Variants in MYRFL observed in about 807,000 individuals in gnomAD.
MYRFL encodes the protein myelin regulatory factor-like protein.
A neutral mutation model predicts 109.4 loss-of-function variants in MYRFL; 88 were observed. The observed-to-expected ratio is 0.80, with a 90% CI of 0.68 to 0.96. The LOEUF (loss-of-function observed/expected upper bound fraction) is 0.96, where lower values mean the gene tolerates loss of function less well. MYRFL is among the 40% of genes least tolerant of loss of function. The pLI is 0.00. For synonymous variants in MYRFL, 324 were observed against 320.9 expected (o/e 1.01, Z -0.10); for missense variants, 957 against 954.9 (o/e 1.00, Z -0.03).
chr12:69,957,286 C>T (rs983247733), intron 22 of MYRFL, among the ~76,000 whole-genome samples: 13 of 152,072 alleles, frequency 8.5e-5, no homozygotes, highest in South Asian at 2.1e-4. Context: ...TGCCTAGACC[C>T]GGAATTTGCA....
chr12:69,875,388 A>G lies in MYRFL; in HGVS notation c.138-3640A>G, dbSNP rs139880696. Reference sequence around the variant, plus strand: ...ATTTTATTTATTTTTTTTCACAAGCATGTGCTTGTCTGCTCCATTTAGCTT... The same window carrying G: ...ATTTTATTTATTTTTTTTCACAAGCGTGTGCTTGTCTGCTCCATTTAGCTT... On this transcript the variant is annotated intron_variant, in intron 2 of 24. Coordinates refer to ENST00000552032, the MANE Select transcript of MYRFL (RefSeq NM_182530.3). 1.0e-3 allele frequency among the ~76,000 whole-genome samples: 153 copies of G among 151,978 alleles called. 1 individual carries two copies. The highest frequency in any genetic ancestry group is 3.6e-3 in the African/African-American group (149 of 41,438).
intron 13 of MYRFL, among the ~76,000 whole-genome samples, chr12:69,918,870 A>G (rs1172938225): frequency 6.6e-6 from 1 of 152,222 alleles, no homozygotes; most frequent in Non-Finnish European, 1.5e-5. Flanking sequence ...TCAAAAATAA[A>G]ATGAATATAC....
At chr12:69,937,577 A>C (rs1566039675) in intron 19 of MYRFL, among the ~76,000 whole-genome samples, 1 of 152,068 alleles carries the variant, frequency 6.6e-6, no homozygotes, top group Non-Finnish European at 1.5e-5. Context: ...TTATGTTCCG[A>C]CTCTTAAAGC....
chr12:69,876,335 TGTCTA>T (rs1239510659), intron 2 of MYRFL, among the ~76,000 whole-genome samples: 1 of 152,212 alleles, frequency 6.6e-6, no homozygotes, highest in Non-Finnish European at 1.5e-5. Context: ...TCCTTGCTTT[TGTCTA>T]GTTTCCAGTG....
At chr12:69,880,366 C>T (rs1046319342) in intron 5 of MYRFL, 74 bp downstream of exon 5, 8 of 665,810 alleles carry the variant, frequency 1.2e-5, no homozygotes, top group Admixed American at 9.1e-5. Flanking sequence ...TTTTACCAGC[C>T]TTTGAGCAGC....
At chr12:69,871,077 A>G (rs978909309) in intron 2 of MYRFL, among the ~76,000 whole-genome samples, 14 of 152,210 alleles carry the variant, frequency 9.2e-5, no homozygotes, top group African/African-American at 3.1e-4. Context: ...AATTTAATTT[A>G]TAGACCTAGA....
chr12:69,853,053 G>A lies in MYRFL; in HGVS notation c.47-2227G>A, dbSNP rs570782099. On this transcript the variant is annotated intron_variant, in intron 1 of 24. Transcript: ENST00000552032. ...CCCACATTTCCCCCTTTTTCTGTTCGACAAAACCACCATCGTCATCATGGC... is the reference window on the plus strand; with the variant it reads ...CCCACATTTCCCCCTTTTTCTGTTCAACAAAACCACCATCGTCATCATGGC... Among the ~76,000 whole-genome samples, 110 of 152,240 alleles carry A rather than the reference G, an allele frequency of 7.2e-4. No homozygotes were observed. In the Middle Eastern group the frequency reaches 0.02, roughly 28 times the overall value.
intron 12 of MYRFL, 97 bp downstream of exon 12, chr12:69,910,174 C>T (rs959265209): frequency 6.3e-5 from 49 of 782,150 alleles, no homozygotes; most frequent in African/African-American, 2.6e-4. Context: ...CATTTGACAA[C>T]GCTATGTTGA....
At chr12:69,878,586 A>G (rs967572379) in intron 2 of MYRFL, among the ~76,000 whole-genome samples, 1 of 152,214 alleles carries the variant, frequency 6.6e-6, no homozygotes. Context: ...TGCCATTGGG[A>G]TATCTGTCAC....
At chr12:69,876,997 C>T (rs114681331) in intron 2 of MYRFL, among the ~76,000 whole-genome samples, 7,402 of 83,744 alleles carry the variant, frequency 0.088, 205 homozygotes, top group South Asian at 0.14. Context: ...ATATAAGGGT[C>T]CAGGTCTTTC....
intron 1 of MYRFL, among the ~76,000 whole-genome samples, chr12:69,843,150 A>C (rs1179913357): frequency 6.6e-6 from 1 of 152,012 alleles, no homozygotes; most frequent in Non-Finnish European, 1.5e-5. Context: ...CAAATGAGAG[A>C]AGTAGAGTAT....
chr12:69,825,782 A>T (rs970229376), intron 1 of MYRFL, among the ~76,000 whole-genome samples: 3 of 152,048 alleles, frequency 2.0e-5, no homozygotes, highest in Non-Finnish European at 4.4e-5. Context: ...TTCATCTTAT[A>T]GTTTGGTTGT....
intron 15 of MYRFL, among the ~76,000 whole-genome samples, chr12:69,929,988 T>A (rs1299152649): frequency 2.0e-5 from 3 of 152,242 alleles, no homozygotes; most frequent in Non-Finnish European, 4.4e-5. Flanking sequence ...TTAGTGAATC[T>A]CATTTCAGAC....
intron 9 of MYRFL, among the ~76,000 whole-genome samples, chr12:69,896,591 C>T (rs1276004600): frequency 2.0e-5 from 3 of 152,198 alleles, no homozygotes; most frequent in African/African-American, 7.2e-5. Flanking sequence ...GGGGAGGTCT[C>T]AGTCTTTGGC....
At chr12:69,944,158 A>G (rs1452938406) in intron 19 of MYRFL, among the ~76,000 whole-genome samples, 3 of 148,746 alleles carry the variant, frequency 2.0e-5, no homozygotes, top group East Asian at 2.0e-4. Flanking sequence ...TAGAAATACC[A>G]TTTGACCCAG....
At chr12:69,872,072 T>TA (rs771898579) in intron 2 of MYRFL, among the ~76,000 whole-genome samples, 11,593 of 152,218 alleles carry the variant, frequency 0.076, 622 homozygotes, top group Non-Finnish European at 0.11. Flanking sequence ...AACTCTGTTA[T>TA]TAAGTACATA....
intron 16 of MYRFL, among the ~76,000 whole-genome samples, 177 bp downstream of exon 16, chr12:69,932,775 TGAA>T (rs1232249405): frequency 2.0e-5 from 3 of 151,968 alleles, no homozygotes; most frequent in Non-Finnish European, 4.4e-5. Context: ...ACTCTTATTT[TGAA>T]GAAAAAAGCA....
rs73337595 is a variant in MYRFL at position 69,874,725 on chromosome 12, T to C, written c.138-4303T>C. On this transcript the variant is annotated intron_variant, in intron 2 of 24. Transcript: ENST00000552032. ...ACTATTTTCATTGGATATCAAATTC[T>C]GGCTTACCAATTTTGTTTTTCTGTA... Among the ~76,000 whole-genome samples the C allele has an allele frequency of 6.7e-3, 1,019 of 152,234 alleles. 12 individuals are homozygous for C. Among genetic ancestry groups the C allele is most frequent in the African/African-American group, 0.023 (956 of 41,560 alleles).
In MYRFL at chr12:69,936,460, T is replaced by C; in HGVS notation, c.2052T>C (p.Asn684=). 2 of 1,535,372 alleles carry C rather than the reference T, an allele frequency of 1.3e-6. No individual in the cohort carries two copies. Among genetic ancestry groups the C allele is most frequent in the Non-Finnish European group, 1.7e-6 (2 of 1,146,496 alleles). The change falls in exon 19 of 25, where the codon AAT becomes AAC. Residue 684 remains asparagine, a synonymous_variant. Coordinates refer to ENST00000552032, the MANE Select transcript of MYRFL (RefSeq NM_182530.3). The part of the protein sequence containing the change: ...LLPTASSSAP[N]TSLVTTPASL... ...CTGCCCAATGCCTTGCAGCACCTAA[T>C]ACATCCCTGGTAACCACACCGGCCT...
Sources: allele counts gnomAD v4.1 joint callset (sites outside exome capture counted in the v4.1 genomes callset), GRCh38; gene constraint gnomAD v4.1.1; transcripts MANE v1.5; gene names NCBI Gene and HGNC (gene_info 2026-07-23, HGNC 2026-07-21).